The following TNRC6B variants were observed in gnomAD, a reference collection of about 807,000 sequenced individuals.
TNRC6B encodes the protein trinucleotide repeat-containing gene 6B protein.
In TNRC6B, 52 loss-of-function variants were observed where a neutral mutation model predicts 203.6. The ratio of observed to expected loss-of-function variants is 0.26; its 90% CI spans 0.20 to 0.32. The LOEUF (loss-of-function observed/expected upper bound fraction) is 0.32, where lower values mean the gene tolerates loss of function less well. TNRC6B is among the 10% of genes least tolerant of loss of function. TNRC6B has a pLI of 1.00. For synonymous variants in TNRC6B, 838 were observed against 845.7 expected (o/e 0.99, Z 0.16); for missense variants, 1,923 against 2,286.2 (o/e 0.84, Z 3.24).
At chr22:40,226,690 G>C (rs2069790415) in intron 1 of TNRC6B, among the ~76,000 whole-genome samples, 2 of 152,144 alleles carry the variant, frequency 1.3e-5, no homozygotes, top group African/African-American at 4.8e-5. Flanking sequence ...ATCATTGTTT[G>C]AATTCACTTA....
chr22:40,291,397 A>G (rs2146535167), intron 12 of TNRC6B, among the ~76,000 whole-genome samples: 1 of 152,302 alleles, frequency 6.6e-6, no homozygotes, highest in South Asian at 2.1e-4. Flanking sequence ...AAAAAAATGA[A>G]AAAGACAAGA....
At chr22:40,147,096 A>G (rs59055337) in intron 3 of TNRC6B, among the ~76,000 whole-genome samples, 1 of 152,380 alleles carries the variant, frequency 6.6e-6, no homozygotes, top group East Asian at 1.9e-4. Flanking sequence ...TATACATACA[A>G]TGGAATATTA....
At chr22:40,322,150 A>T (rs2071342453) in intron 22 of TNRC6B, among the ~76,000 whole-genome samples, 1 of 152,188 alleles carries the variant, frequency 6.6e-6, no homozygotes, top group Non-Finnish European at 1.5e-5. Context: ...CTCATAACTC[A>T]CATGGGGAAA....
intron 1 of TNRC6B, among the ~76,000 whole-genome samples, chr22:40,194,910 A>G (rs1276708995): frequency 6.6e-6 from 1 of 152,140 alleles, no homozygotes; most frequent in Non-Finnish European, 1.5e-5. Context: ...TTTGGGGAGG[A>G]CGTCTGAGTC....
In TNRC6B at chr22:40,300,629, CT is replaced by C. The variant is rs760173063; in HGVS notation, c.3840+54del. 11,217 of 1,249,238 alleles carry C rather than the reference CT, an allele frequency of 9.0e-3. 65 individuals are homozygous for C. Among genetic ancestry groups the C allele is most frequent in the African/African-American group, 0.058 (3,779 of 64,982 alleles). The allele number at this position is 1,249,238 out of a possible 1,614,324, so 77.4% of individuals were successfully genotyped here. A position where few individuals can be genotyped will look rare whatever the true frequency, so the allele number is the denominator to read the frequency against. ...TTCCTGTGGCTAAAAAGGTCATTTGCTTTTTTTTTTTCTTTAGCTTTGATTT... is the reference window on the plus strand; with the variant it reads ...TTCCTGTGGCTAAAAAGGTCATTTGCTTTTTTTTTTCTTTAGCTTTGATTT... On this transcript the variant is annotated intron_variant, in intron 13 of 22. Transcript: ENST00000454349.
intron 1 of TNRC6B, among the ~76,000 whole-genome samples, chr22:40,085,983 A>G (rs112521044): frequency 0.012 from 1,787 of 152,068 alleles, 35 homozygotes; most frequent in African/African-American, 0.041. Flanking sequence ...TGATCCTCCC[A>G]CCTCAGCCCC....
At chr22:40,231,427 A>G (rs1340725348) in intron 1 of TNRC6B, among the ~76,000 whole-genome samples, 2 of 152,030 alleles carry the variant, frequency 1.3e-5, no homozygotes, top group Non-Finnish European at 2.9e-5. Context: ...TCTATCCGCA[A>G]TGTTTTGTAG....
intron 3 of TNRC6B, among the ~76,000 whole-genome samples, chr22:40,138,739 G>A (rs1277372032): frequency 6.6e-6 from 1 of 152,090 alleles, no homozygotes; most frequent in Admixed American, 6.5e-5. Context: ...GATGAGAAAA[G>A]GCTCAAGTAT....
rs1451338206 is a variant in TNRC6B at position 40,308,525 on chromosome 22, C to G, written c.4134C>G (p.Gly1378=). 6.2e-7 allele frequency: 1 copy of G among 1,613,820 alleles called. No homozygotes were observed. Among genetic ancestry groups the G allele is most frequent in the Non-Finnish European group, 8.5e-7 (1 of 1,179,880 alleles). ...TCTCCTTTTTAGGCTTCAGCTCTGG[C>G]GGCATGGACTATGGCATGGTTGGTG... ...IPGYGSGFSS[G]GMDYGMVGGK... The change falls in exon 16 of 23, where the codon GGC becomes GGG. Residue 1378 remains glycine (G), a synonymous_variant. Coordinates refer to ENST00000454349, the MANE Select transcript of TNRC6B (RefSeq NM_001162501.2).
intron 21 of TNRC6B, among the ~76,000 whole-genome samples, chr22:40,317,318 G>A (rs956246841): frequency 9.9e-4 from 150 of 152,260 alleles, no homozygotes; most frequent in African/African-American, 3.5e-3. Context: ...AGTGGCTCAC[G>A]CCTGTAATCC....
intron 1 of TNRC6B, among the ~76,000 whole-genome samples, chr22:40,055,381 C>T (rs550263719): frequency 1.3e-5 from 2 of 152,244 alleles, no homozygotes; most frequent in African/African-American, 4.8e-5. Flanking sequence ...GAGAGAACAG[C>T]CTGTGTAGAG....
chr22:40,182,199 T>G (rs927956178), intron 1 of TNRC6B, among the ~76,000 whole-genome samples: 17 of 151,570 alleles, frequency 1.1e-4, no homozygotes, highest in Non-Finnish European at 4.4e-5. Flanking sequence ...GAGCCGAGAT[T>G]GTGCCACTGC....
intron 3 of TNRC6B, among the ~76,000 whole-genome samples, chr22:40,151,537 CAAA>C (rs994432925): frequency 2.1e-4 from 5 of 24,130 alleles, no homozygotes; most frequent in Non-Finnish European, 2.8e-4. Flanking sequence ...GACTGCATCT[CAAA>C]AAAAAAAAAA....
At chr22:40,179,324 G>C (rs1276770844) in intron 1 of TNRC6B, among the ~76,000 whole-genome samples, 2 of 152,064 alleles carry the variant, frequency 1.3e-5, no homozygotes, top group Admixed American at 1.3e-4. Flanking sequence ...GTGATGTGGC[G>C]GGTAAATTGC....
intron 3 of TNRC6B, among the ~76,000 whole-genome samples, chr22:40,128,558 G>A (rs138480003): frequency 0.015 from 2,235 of 150,884 alleles, 36 homozygotes; most frequent in Non-Finnish European, 0.018. Context: ...CACGGCTCAC[G>A]GCTCACGGCT....
At chr22:40,081,579 G>C (rs1290703220) in intron 1 of TNRC6B, among the ~76,000 whole-genome samples, 1 of 152,090 alleles carries the variant, frequency 6.6e-6, no homozygotes, top group Admixed American at 6.5e-5. Flanking sequence ...TGCTCAACCT[G>C]GCTTTGCCAC....
At chr22:40,273,309 G>T in intron 6 of TNRC6B, 116 bp from the exon 7 acceptor site, 2 of 942,646 alleles carry the variant, frequency 2.1e-6, no homozygotes, top group Non-Finnish European at 3.0e-6. Flanking sequence ...TCTTGCCATG[G>T]AGATGGAGTA....
intron 1 of TNRC6B, among the ~76,000 whole-genome samples, chr22:40,077,126 C>T (rs578149307): frequency 3.7e-4 from 54 of 144,600 alleles, no homozygotes; most frequent in African/African-American, 1.3e-3. Context: ...GGAGGGGAGG[C>T]GGGGCACTTC....
intron 3 of TNRC6B, among the ~76,000 whole-genome samples, chr22:40,151,844 AAGAAAG>A (rs1568999457): frequency 6.9e-6 from 1 of 145,136 alleles, no homozygotes; most frequent in African/African-American, 2.6e-5. Flanking sequence ...CACAAAAATG[AAGAAAG>A]AGAAAGAAAA....
Sources: gnomAD v4.1 joint callset for allele counts (sites outside exome capture counted in the v4.1 genomes callset) on GRCh38, gnomAD v4.1.1 for gene constraint, MANE v1.5 for transcripts, NCBI Gene and HGNC (gene_info 2026-07-23, HGNC 2026-07-21) for gene names.